SSH2: variants seen among roughly 807,000 people sequenced by gnomAD.
SSH2 encodes the protein protein phosphatase Slingshot homolog 2.
Under a neutral mutation model 135.2 loss-of-function variants are expected in SSH2, and 37 were observed. The observed-to-expected ratio is 0.27, with a 90% confidence interval of 0.21 to 0.36. SSH2 has a LOEUF of 0.36. Ranked by LOEUF, SSH2 falls within the 10% of genes least tolerant of loss-of-function variation. SSH2 has a pLI of 1.00. For synonymous variants in SSH2, 628 were observed against 646.2 expected, an observed-to-expected ratio of 0.97 and a Z score of 0.43; for missense variants, 1,408 against 1,765.3, an observed-to-expected ratio of 0.80 and a Z score of 3.63.
intron 4 of SSH2, among the ~76,000 whole-genome samples, chr17:29,699,005 G>A (rs1231459411): frequency 6.6e-6 from 1 of 152,178 alleles, no homozygotes; most frequent in Non-Finnish European, 1.5e-5. Flanking sequence ...TCTTATGCGA[G>A]TTGGAAGCTC....
At chr17:29,673,083 A>G (rs951567111) in intron 8 of SSH2, among the ~76,000 whole-genome samples, 2 of 152,176 alleles carry the variant, frequency 1.3e-5, no homozygotes, top group African/African-American at 4.8e-5. Flanking sequence ...GTAAACAAAC[A>G]GAAAAGTATG....
chr17:29,890,181 G>A (rs1222865768), intron 1 of SSH2, among the ~76,000 whole-genome samples: 1 of 152,206 alleles, frequency 6.6e-6, no homozygotes, highest in Admixed American at 6.5e-5. Flanking sequence ...TGATGAGGAT[G>A]TGGAGTAATC....
At chr17:29,861,707 G>A (rs2065768476) in intron 1 of SSH2, among the ~76,000 whole-genome samples, 1 of 150,656 alleles carries the variant, frequency 6.6e-6, no homozygotes, top group Admixed American at 6.6e-5. Flanking sequence ...GGGACTACAG[G>A]CACCCGCCAC....
At chr17:29,816,691 C>A (rs2042565305) in intron 2 of SSH2, among the ~76,000 whole-genome samples, 1 of 149,990 alleles carries the variant, frequency 6.7e-6, no homozygotes. Flanking sequence ...AAAGAAGATT[C>A]TGCACTTAAA....
chr17:29,926,256 A>C (rs1205791087), intron 1 of SSH2, among the ~76,000 whole-genome samples: 2 of 151,936 alleles, frequency 1.3e-5, no homozygotes, highest in Admixed American at 1.3e-4. Flanking sequence ...TTCTTAAAAT[A>C]GGCCAGGTGT....
chr17:29,837,559 C>T (rs903864951), intron 2 of SSH2, among the ~76,000 whole-genome samples: 1 of 152,052 alleles, frequency 6.6e-6, no homozygotes, highest in African/African-American at 2.4e-5. Context: ...TGGCCCATGT[C>T]CCCGAGGCAG....
chr17:29,782,128 G>A (rs2041854865), intron 3 of SSH2, among the ~76,000 whole-genome samples: 2 of 152,142 alleles, frequency 1.3e-5, no homozygotes, highest in Non-Finnish European at 2.9e-5. Flanking sequence ...TTATAGGCAC[G>A]AGCCACCATG....
chr17:29,793,947 CAGA>C lies in SSH2; in HGVS notation c.145-13_145-11del, dbSNP rs753564353. 1.2e-6 allele frequency: 2 copies of C among 1,601,432 alleles called. No homozygotes were observed. Among genetic ancestry groups the C allele is most frequent in the Non-Finnish European group, 1.7e-6 (2 of 1,172,480 alleles). Reference sequence around the variant, plus strand: ...CCCCACTGTCTGCCTCCTGTATAGACAGAAAATGAAAAAAAAAATTAAAACCTG... The same window carrying C: ...CCCCACTGTCTGCCTCCTGTATAGACAAATGAAAAAAAAAATTAAAACCTG... On this transcript the variant is annotated splice_polypyrimidine_tract_variant and intron_variant, in intron 2 of 15. Coordinates refer to ENST00000540801, the MANE Select transcript of SSH2 (RefSeq NM_001282129.2).
At chr17:29,899,856 G>A (rs1234946593) in intron 1 of SSH2, among the ~76,000 whole-genome samples, 21 of 152,106 alleles carry the variant, frequency 1.4e-4, no homozygotes, top group Non-Finnish European at 4.4e-5. Flanking sequence ...AAAGCTGGAG[G>A]CATCATGCTA....
chr17:29,724,879 C>T (rs1279737007), intron 3 of SSH2, among the ~76,000 whole-genome samples: 2 of 151,664 alleles, frequency 1.3e-5, no homozygotes, highest in Admixed American at 6.6e-5. Context: ...TGTGAACCAC[C>T]GTGCCTGGCC....
intron 11 of SSH2, among the ~76,000 whole-genome samples, chr17:29,661,162 C>T (rs1372649921): frequency 1.3e-5 from 2 of 151,886 alleles, no homozygotes; most frequent in Non-Finnish European, 2.9e-5. Context: ...GCCCTCATCA[C>T]TCTCGCTGAT....
At chr17:29,684,833 C>T in intron 5 of SSH2, 149 bp from the exon 6 acceptor site, 6 of 610,302 alleles carry the variant, frequency 9.8e-6, no homozygotes, top group Non-Finnish European at 1.6e-5. Flanking sequence ...TCAGCTCGTA[C>T]ACTAGCTATA....
At chr17:29,743,083 C>T (rs1181727116) in intron 3 of SSH2, among the ~76,000 whole-genome samples, 2 of 152,090 alleles carry the variant, frequency 1.3e-5, no homozygotes, top group African/African-American at 4.8e-5. Flanking sequence ...AGGCATGTCC[C>T]ACCACGCTGA....
chr17:29,744,881 G>GTGTGTGTGTGTGTGTGTGTGTT (rs1329998990), intron 3 of SSH2, among the ~76,000 whole-genome samples: 9 of 151,098 alleles, frequency 6.0e-5, no homozygotes, highest in African/African-American at 2.2e-4. Flanking sequence ...GTGTGTGTGT[G>GTGTGTGTGTGTGTGTGTGTGTT]TGTGTGTGTG....
chr17:29,630,881 TCA>T lies in SSH2; in HGVS notation c.4311_4312del (p.Asn1437LysfsTer11). The stretch of plus-strand genomic sequence containing the variant: ...GAAGGGGTTGGTTGTCCGTTTTTTG[TCA>T]TTTGCCTTTTTCAGTCTCCTAAGGG... On this transcript the variant is annotated frameshift_variant, in exon 16 of 16. Coordinates refer to ENST00000540801, the MANE Select transcript of SSH2 (RefSeq NM_001282129.2). LOFTEE classifies it high-confidence loss of function. 1 of 1,573,086 alleles carries T rather than the reference TCA, an allele frequency of 6.4e-7. No homozygotes were observed. Among genetic ancestry groups the T allele is most frequent in the Admixed American group, 1.8e-5 (1 of 54,870 alleles).
At chr17:29,898,424 A>G (rs1344653954) in intron 1 of SSH2, among the ~76,000 whole-genome samples, 5 of 152,008 alleles carry the variant, frequency 3.3e-5, no homozygotes, top group East Asian at 1.9e-4. Context: ...TCAAATAGAC[A>G]CAATAAAAAA....
At chr17:29,703,336 C>G (rs1203313277) in intron 3 of SSH2, among the ~76,000 whole-genome samples, 1 of 151,830 alleles carries the variant, frequency 6.6e-6, no homozygotes, top group Non-Finnish European at 1.5e-5. Flanking sequence ...GCAACCTCCG[C>G]CTCCTGGGTT....
At chr17:29,633,736 C>G (rs906876643) in intron 15 of SSH2, among the ~76,000 whole-genome samples, 1 of 152,132 alleles carries the variant, frequency 6.6e-6, no homozygotes, top group Non-Finnish European at 1.5e-5. Flanking sequence ...CTGACCAATG[C>G]AAAATCAGGT....
At chr17:29,916,469 CTT>C (rs60472572) in intron 1 of SSH2, among the ~76,000 whole-genome samples, 31 of 139,682 alleles carry the variant, frequency 2.2e-4, no homozygotes, top group Admixed American at 2.9e-4. Flanking sequence ...TTTTTTCTTT[CTT>C]TTTTTTTTTT....
Sources: allele counts gnomAD v4.1 joint callset (sites outside exome capture counted in the v4.1 genomes callset), GRCh38; gene constraint gnomAD v4.1.1; transcripts MANE v1.5; gene names NCBI Gene and HGNC (gene_info 2026-07-23, HGNC 2026-07-21).